The following P4HB variants were observed in gnomAD, a reference collection of about 807,000 sequenced individuals.
P4HB encodes protein disulfide-isomerase.
A neutral mutation model predicts 52.6 loss-of-function variants in P4HB; 20 were observed. The ratio of observed to expected loss-of-function variants is 0.38; its 90% CI spans 0.27 to 0.55. The LOEUF (loss-of-function observed/expected upper bound fraction) is 0.55, where lower values mean the gene tolerates loss of function less well. Ranked by LOEUF, P4HB falls within the 20% of genes least tolerant of loss-of-function variation. The pLI is 0.74. For missense variants in P4HB, 601 were observed against 669.2 expected (o/e 0.90, Z 1.12); for synonymous variants, 296 against 277.9 (o/e 1.07, Z -0.65).
rs1315052544 is a variant in P4HB at position 81,848,906 on chromosome 17, T to TA, written c.625-1560_625-1559insT. ...CCAAAAATACAAAAATTTAGCTGGGTGTGGTGGTGCACACCTGTAATCCCA... is the reference window on the plus strand; with the variant it reads ...CCAAAAATACAAAAATTTAGCTGGGTAGTGGTGGTGCACACCTGTAATCCCA... On this transcript the variant is annotated intron_variant, in intron 4 of 10. Transcript: ENST00000331483. Among the ~76,000 whole-genome samples the TA allele has an allele frequency of 6.0e-5, 9 of 148,778 alleles. No individual in the cohort carries two copies. In the East Asian group the frequency reaches 1.8e-3, roughly 30 times the overall value.
Position 81,846,062 on chromosome 17 carries a change from C to T in P4HB, c.1057-71G>A. 1 of 1,481,382 alleles carries T rather than the reference C, an allele frequency of 6.8e-7. No individual in the cohort carries two copies. Among genetic ancestry groups the T allele is most frequent in the Non-Finnish European group, 9.0e-7 (1 of 1,115,374 alleles). 91.8% of individuals were successfully genotyped at this position (1,481,382 alleles called of 1,614,324 possible). On this transcript the variant is annotated intron_variant, in intron 7 of 10. Transcript: ENST00000331483. The surrounding 1 kb of genome is among the most constrained non-coding windows in gnomAD (Gnocchi z 5.7). Reference sequence around the variant, plus strand: ...ACCACAGAGCTCCCCAACCCTCACCCTGCCCGGGACTGAGGTGCGTGGCTG... The same window carrying T: ...ACCACAGAGCTCCCCAACCCTCACCTTGCCCGGGACTGAGGTGCGTGGCTG...
In P4HB at chr17:81,855,418, G is replaced by T. The variant is rs200253502; in HGVS notation, c.486+35C>A. 2 of 1,598,486 alleles carry T rather than the reference G, an allele frequency of 1.3e-6. No homozygotes were observed. Among genetic ancestry groups the T allele is most frequent in the Non-Finnish European group, 1.7e-6 (2 of 1,169,496 alleles). On this transcript the variant is annotated intron_variant, in intron 3 of 10. Coordinates refer to ENST00000331483, the MANE Select transcript of P4HB (RefSeq NM_000918.4). This position sits in a 1 kb window ranked among gnomAD's most constrained non-coding sequence, Gnocchi z 4.3. Reference sequence around the variant, plus strand: ...TGTGGACCCCTCCTCAATGGATGACGGAAGGAAGGAAGACTGGAATGCTCT... The same window carrying T: ...TGTGGACCCCTCCTCAATGGATGACTGAAGGAAGGAAGACTGGAATGCTCT...
At position 81,846,126 on chromosome 17, in the gene P4HB, G is replaced by C. The variant is rs559438157; in HGVS notation, c.1057-135C>G. On this transcript the variant is annotated intron_variant, in intron 7 of 10. Coordinates refer to ENST00000331483, the MANE Select transcript of P4HB (RefSeq NM_000918.4). This position sits in a 1 kb window ranked among gnomAD's most constrained non-coding sequence, Gnocchi z 5.7. ...AGGGTGGCAGCCGCAGACACCAACA[G>C]TGCCAAGAATCCAGAAAGAGAAGGC... The C allele has an allele frequency of 8.6e-7, 1 of 1,167,344 alleles. No homozygotes were observed. Among genetic ancestry groups the C allele is most frequent in the Admixed American group, 2.9e-5 (1 of 34,760 alleles). The allele number at this position is 1,167,344 out of a possible 1,614,324, so 72.3% of individuals were successfully genotyped here. A position where few individuals can be genotyped will look rare whatever the true frequency, so the allele number is the denominator to read the frequency against.
Position 81,860,220 on chromosome 17 carries a change from G to A in P4HB, c.145+107C>T, listed in dbSNP as rs1598273480. On this transcript the variant is annotated intron_variant, in intron 1 of 10. Coordinates refer to ENST00000331483, the MANE Select transcript of P4HB (RefSeq NM_000918.4). ...GGCAGCAAGGGAGCCCTTCAGTTCC[G>A]GGCGCGCCGGGGGTCCCGACCCCGG... 4 of 948,482 alleles carry A rather than the reference G, an allele frequency of 4.2e-6. No homozygotes were observed. The East Asian group carries it at 1.3e-4, about 32-fold the overall frequency. 58.8% of individuals were successfully genotyped at this position (948,482 alleles called of 1,614,324 possible). A position where few individuals can be genotyped will look rare whatever the true frequency, so the allele number is the denominator to read the frequency against.
At chr17:81,857,225 T>G (rs1256646659) in intron 2 of P4HB, among the ~76,000 whole-genome samples, 1 of 152,106 alleles carries the variant, frequency 6.6e-6, no homozygotes. Flanking sequence ...CTCAGCTCAC[T>G]GCAACCTTAC....
At chr17:81,860,024 G>A (rs750731964) in intron 1 of P4HB, 2 of 266,972 alleles carry the variant, frequency 7.5e-6, no homozygotes, top group Non-Finnish European at 7.1e-6. Flanking sequence ...CCCCCGGGGA[G>A]GACTCGGCAA....
chr17:81,860,418 G>A lies in P4HB; in HGVS notation c.54C>T (p.Asp18=), dbSNP rs1195372922. ...CLAVAALVRA[D]APEEEDHVLV... The stretch of plus-strand genomic sequence containing the variant: ...GGACGTGGTCCTCCTCCTCGGGGGC[G>A]TCGGCGCGCACCAGGGCGGCCACGG... The change falls in exon 1 of 11, where the codon GAC becomes GAT. Residue 18 remains aspartate, a synonymous_variant. Transcript: ENST00000331483. 3 of 1,432,450 alleles carry A rather than the reference G, an allele frequency of 2.1e-6. No homozygotes were observed. Among genetic ancestry groups the A allele is most frequent in the Admixed American group, 2.9e-5 (1 of 35,004 alleles). The allele number at this position is 1,432,450 out of a possible 1,614,324, so 88.7% of individuals were successfully genotyped here.
Position 81,860,475 on chromosome 17 carries a change from G to C in P4HB, c.-4C>G. ...ACAGCAGAGCGCGGCGCAGCATGTC[G>C]GACACGGATCAGGCGGGGCGCTTCG... On this transcript the variant is annotated 5_prime_UTR_variant, in exon 1 of 11. Transcript: ENST00000331483. 1 of 1,311,008 alleles carries C rather than the reference G, an allele frequency of 7.6e-7. No homozygotes were observed. The highest frequency in any genetic ancestry group is 9.7e-7 in the Non-Finnish European group (1 of 1,027,548). 81.2% of individuals were successfully genotyped at this position (1,311,008 alleles called of 1,614,324 possible).
At chr17:81,859,640 A>T in intron 1 of P4HB, 1 of 533,324 alleles carries the variant, frequency 1.9e-6, no homozygotes, top group South Asian at 2.2e-5. Flanking sequence ...CCATCAGCAC[A>T]GCCAGACAAA....
At chr17:81,851,891 G>A (rs577872138) in intron 4 of P4HB, among the ~76,000 whole-genome samples, 5 of 152,240 alleles carry the variant, frequency 3.3e-5, no homozygotes, top group Non-Finnish European at 5.9e-5. Context: ...GCATAGAAAC[G>A]CCCAATGCAG....
At chr17:81,851,017 G>A (rs953580733) in intron 4 of P4HB, among the ~76,000 whole-genome samples, 3 of 151,486 alleles carry the variant, frequency 2.0e-5, no homozygotes, top group Non-Finnish European at 4.4e-5. Context: ...TGCAAGCTCC[G>A]CCTCCTGAGT....
intron 4 of P4HB, among the ~76,000 whole-genome samples, chr17:81,848,730 C>G (rs2038779049): frequency 1.1e-5 from 1 of 89,908 alleles, no homozygotes; most frequent in African/African-American, 4.6e-5. Flanking sequence ...GAGCGAAACT[C>G]TGTCTCAAAA....
rs376935940 is a variant in P4HB, at chr17:81,855,139, C to A, written c.624+3G>T. On this transcript the variant is annotated splice_donor_region_variant and intron_variant, in intron 4 of 10. Transcript: ENST00000331483. The surrounding 1 kb of genome is among the most constrained non-coding windows in gnomAD (Gnocchi z 4.3). ...CTGGGCAGAGCTGCCTGGGGCCACT[C>A]ACCTTCTTAAAGAGGACAACCCCAT... 19 of 1,613,924 alleles carry A rather than the reference C, an allele frequency of 1.2e-5. No homozygotes were observed. Among genetic ancestry groups the A allele is most frequent in the Non-Finnish European group, 1.5e-5 (18 of 1,180,004 alleles).
Position 81,847,181 on chromosome 17 carries a change from C to T in P4HB, c.729+62G>A. On this transcript the variant is annotated intron_variant, in intron 5 of 10. Transcript: ENST00000331483. ...CTGGACAGCAGTGGTGACCGGGAGC[C>T]TCATGCCACCCCCAACCCACTCCTC... 9 of 1,600,638 alleles carry T rather than the reference C, an allele frequency of 5.6e-6. No individual in the cohort carries two copies. In the South Asian group the frequency reaches 8.8e-5, roughly 16 times the overall value.
chr17:81,846,842 T>C lies in P4HB; in HGVS notation c.855+105A>G. On this transcript the variant is annotated intron_variant, in intron 6 of 10. Transcript: ENST00000331483. This position sits in a 1 kb window ranked among gnomAD's most constrained non-coding sequence, Gnocchi z 5.7. ...AGGCTGTCCTGAATCAGGTGCCCGA[T>C]CCAGTCCAGCAGGCAGCCTCAGGAA... is the stretch of plus-strand genomic sequence containing the variant. The C allele has an allele frequency of 6.9e-7, 1 of 1,441,052 alleles. No homozygotes were observed. The highest frequency in any genetic ancestry group is 2.3e-5 in the East Asian group (1 of 44,052). 89.3% of individuals were successfully genotyped at this position (1,441,052 alleles called of 1,614,324 possible).
In P4HB at chr17:81,860,353, G is replaced by A. The variant is rs1352745788; in HGVS notation, c.119C>T (p.Ala40Val). 1.4e-6 allele frequency: 2 copies of A among 1,472,340 alleles called. No homozygotes were observed. Among genetic ancestry groups the A allele is most frequent in the African/African-American group, 1.5e-5 (1 of 68,036 alleles). The allele number at this position is 1,472,340 out of a possible 1,614,324, so 91.2% of individuals were successfully genotyped here. ...RKSNFAEALA[A>V]HKYLLVEFYA... ...GAACTCCACCAGCAGGTACTTGTGG[G>A]CCGCCAGCGCCTCCGCGAAGTTGCT... Residue 40 changes from alanine (A) to valine (V), a missense_variant, in exon 1 of 11, where the codon GCC becomes GTC. Coordinates refer to ENST00000331483, the MANE Select transcript of P4HB (RefSeq NM_000918.4).
intron 4 of P4HB, among the ~76,000 whole-genome samples, chr17:81,849,779 C>T (rs1004302192): frequency 2.6e-5 from 4 of 152,148 alleles, no homozygotes; most frequent in Non-Finnish European, 4.4e-5. Flanking sequence ...TTTGGGTGAG[C>T]CTTCCATCAT....
At position 81,860,111 on chromosome 17, in the gene P4HB, T is replaced by A. The variant is rs1416123170; in HGVS notation, c.145+216A>T. 4.7e-5 allele frequency: 19 copies of A among 405,032 alleles called. No homozygotes were observed. In the East Asian group the frequency reaches 7.3e-4, roughly 16 times the overall value. 25.1% of individuals were successfully genotyped at this position (405,032 alleles called of 1,614,324 possible). On this transcript the variant is annotated intron_variant, in intron 1 of 10. Transcript: ENST00000331483. ...TCGCACTAACAGGAAGATCCTGCCG[T>A]GCGCAGGGCGGGCATCGGGACGGCC...
chr17:81,858,529 T>C (rs555383386), intron 2 of P4HB, among the ~76,000 whole-genome samples: 1 of 152,278 alleles, frequency 6.6e-6, no homozygotes, highest in East Asian at 1.9e-4. Flanking sequence ...ACCGGTTTTA[T>C]AGACGAGTTT....
Sources: allele counts gnomAD v4.1 joint callset (sites outside exome capture counted in the v4.1 genomes callset), GRCh38; gene constraint gnomAD v4.1.1; non-coding constraint Gnocchi (gnomAD v3.1); transcripts MANE v1.5; gene names NCBI Gene and HGNC (gene_info 2026-07-23, HGNC 2026-07-21).